Variants in MRPS23 observed in about 807,000 individuals in gnomAD.
MRPS23 encodes mitochondrial ribosomal protein S23.
MRPS23 carries 14 observed loss-of-function variants against 19.8 expected under a neutral mutation model. That is an observed-to-expected ratio of 0.71 (90% confidence interval 0.47 to 1.11). The LOEUF (loss-of-function observed/expected upper bound fraction) is 1.11. MRPS23 is among the 50% of genes least tolerant of loss of function. MRPS23 has a pLI of 0.00. For missense variants in MRPS23, 242 were observed against 236.7 expected (o/e 1.02, Z -0.15); for synonymous variants, 113 against 89.7 (o/e 1.26, Z -1.47).
At chr17:57,844,894 T>A (rs937747610) in intron 2 of MRPS23, among the ~76,000 whole-genome samples, 5 of 151,988 alleles carry the variant, frequency 3.3e-5, no homozygotes, top group African/African-American at 1.2e-4. Context: ...TTTTTAAATT[T>A]TTTATTTATT....
intron 4 of MRPS23, among the ~76,000 whole-genome samples, chr17:57,840,278 T>G (rs1012549375): frequency 6.6e-6 from 1 of 151,742 alleles, no homozygotes; most frequent in South Asian, 2.1e-4. Flanking sequence ...TCCCAGCTAC[T>G]CGGGAGGCTG....
chr17:57,835,609 T>C lies in MRPS23; in HGVS notation c.*4174A>G, dbSNP rs722168. The C allele has an allele frequency of 0.12, 18,668 of 152,302 alleles. 1,265 individuals carry two copies. Among genetic ancestry groups the C allele is most frequent in the South Asian group, 0.24 (1,144 of 4,828 alleles). The allele number at this position is 152,302 out of a possible 1,614,324, so 9.4% of individuals were successfully genotyped here. A position where few individuals can be genotyped will look rare whatever the true frequency, so the allele number is the denominator to read the frequency against. On this transcript the variant is annotated 3_prime_UTR_variant, in exon 5 of 5. Transcript: ENST00000313608. Reference sequence around the variant, plus strand: ...CAGTTCAAATGGGCTTTTCCACTACTGCTCAAAATAGTAATAAAACCACCA... The same window carrying C: ...CAGTTCAAATGGGCTTTTCCACTACCGCTCAAAATAGTAATAAAACCACCA...
chr17:57,835,795 C>T lies in MRPS23; in HGVS notation c.*3988G>A. On this transcript the variant is annotated 3_prime_UTR_variant, in exon 5 of 5. Coordinates refer to ENST00000313608, the MANE Select transcript of MRPS23 (RefSeq NM_016070.4). ...TGCCTGGAGTATCCAGATCTAGAACCCAAATCTTCATTACTTGTCTGGGGC... is the reference window on the plus strand; with the variant it reads ...TGCCTGGAGTATCCAGATCTAGAACTCAAATCTTCATTACTTGTCTGGGGC... 1 of 152,208 alleles carries T rather than the reference C, an allele frequency of 6.6e-6. No individual in the cohort carries two copies. The highest frequency in any genetic ancestry group is 2.1e-4 in the South Asian group (1 of 4,822). The allele number at this position is 152,208 out of a possible 1,614,324, so 9.4% of individuals were successfully genotyped here. A position where few individuals can be genotyped will look rare whatever the true frequency, so the allele number is the denominator to read the frequency against.
At position 57,849,383 on chromosome 17, in the gene MRPS23, C is replaced by A; in HGVS notation, c.72G>T (p.Val24=). The change falls in exon 2 of 5, where the codon GTG becomes GTT. Residue 24 remains valine (V), a synonymous_variant. Coordinates refer to ENST00000313608, the MANE Select transcript of MRPS23 (RefSeq NM_016070.4). ...CAAACCACAGGGGCTTCTCCTTCAG[C>A]ACCCCGGCCCGAACCAGGTCCCGAG... ...SRTRDLVRAG[V]LKEKPLWFDV... is the part of the protein sequence containing the mutation. The A allele has an allele frequency of 6.2e-7, 1 of 1,614,054 alleles. No homozygotes were observed.
intron 4 of MRPS23, 92 bp from the exon 5 acceptor site, chr17:57,840,027 G>T: frequency 1.4e-6 from 2 of 1,460,116 alleles, no homozygotes; most frequent in South Asian, 1.3e-5. Flanking sequence ...TTCTGTCACT[G>T]AGTGAAAAAT....
intron 2 of MRPS23, among the ~76,000 whole-genome samples, chr17:57,844,103 T>G (rs2073757277): frequency 6.6e-6 from 1 of 151,678 alleles, no homozygotes; most frequent in African/African-American, 2.4e-5. Flanking sequence ...TTTGTTTTAT[T>G]TATTTTGTTG....
Position 57,839,411 on chromosome 17 carries a change from G to A in MRPS23, c.*372C>T, listed in dbSNP as rs940563963. ...CACGTATAAGTCTGATGGATCAGAA[G>A]AAATATGTACCCGGGAATCAGATGT... On this transcript the variant is annotated 3_prime_UTR_variant, in exon 5 of 5. Coordinates refer to ENST00000313608, the MANE Select transcript of MRPS23 (RefSeq NM_016070.4). 1 of 162,602 alleles carries A rather than the reference G, an allele frequency of 6.1e-6. No homozygotes were observed. The highest frequency in any genetic ancestry group is 2.4e-5 in the African/African-American group (1 of 41,780). 10.1% of individuals were successfully genotyped at this position (162,602 alleles called of 1,614,324 possible).
At position 57,836,529 on chromosome 17, in the gene MRPS23, G is replaced by C. The variant is rs1303837288; in HGVS notation, c.*3254C>G. The C allele has an allele frequency of 6.6e-6, 1 of 152,170 alleles. No homozygotes were observed. The highest frequency in any genetic ancestry group is 1.5e-5 in the Non-Finnish European group (1 of 68,050). 9.4% of individuals were successfully genotyped at this position (152,170 alleles called of 1,614,324 possible). On this transcript the variant is annotated 3_prime_UTR_variant, in exon 5 of 5. Transcript: ENST00000313608. ...ACATGTCCATCCCACTGCCTTTCCA[G>C]GCTCTCATGCAGTATTCCTAGACAA...
chr17:57,842,881 T>G (rs943861390), intron 2 of MRPS23, among the ~76,000 whole-genome samples: 1 of 65,210 alleles, frequency 1.5e-5, no homozygotes, highest in Non-Finnish European at 3.0e-5. Flanking sequence ...AAAAAAAAAA[T>G]ATATATATAT....
chr17:57,849,620 T>C (rs74475712), intron 1 of MRPS23, among the ~76,000 whole-genome samples: 1 of 152,200 alleles, frequency 6.6e-6, no homozygotes, highest in Non-Finnish European at 1.5e-5. Flanking sequence ...TATCTTCTTT[T>C]GTGCGTCCCA....
intron 2 of MRPS23, among the ~76,000 whole-genome samples, chr17:57,846,703 A>G (rs1384965319): frequency 6.6e-6 from 1 of 152,128 alleles, no homozygotes; most frequent in African/African-American, 2.4e-5. Context: ...TGTTAAACAG[A>G]TGCTTGAAGG....
Position 57,838,838 on chromosome 17 carries a change from A to C in MRPS23, c.*945T>G, listed in dbSNP as rs1417501170. 1 of 152,288 alleles carries C rather than the reference A, an allele frequency of 6.6e-6. No individual in the cohort carries two copies. The highest frequency in any genetic ancestry group is 2.4e-5 in the African/African-American group (1 of 41,468). 9.4% of individuals were successfully genotyped at this position (152,288 alleles called of 1,614,324 possible). A position where few individuals can be genotyped will look rare whatever the true frequency, so the allele number is the denominator to read the frequency against. On this transcript the variant is annotated 3_prime_UTR_variant, in exon 5 of 5. Transcript: ENST00000313608. ...AAGAATCACTGGGTAGAAAATCTAC[A>C]TGAGTTTTAAAATAGGGAATTTCTG...
At chr17:57,845,030 T>C (rs1029232690) in intron 2 of MRPS23, among the ~76,000 whole-genome samples, 1 of 152,064 alleles carries the variant, frequency 6.6e-6, no homozygotes, top group Non-Finnish European at 1.5e-5. Context: ...CCAGACTAGC[T>C]GGGACTACAG....
Position 57,839,954 on chromosome 17 carries a change from A to C in MRPS23, c.421-19T>G, listed in dbSNP as rs774736456. 3.7e-6 allele frequency: 6 copies of C among 1,613,062 alleles called. No homozygotes were observed. In the East Asian group the frequency reaches 1.3e-4, roughly 36 times the overall value. On this transcript the variant is annotated intron_variant, in intron 4 of 4. Transcript: ENST00000313608. ...CGTGTTGCTTAAAAGACCAGATTTA[A>C]GTATCACAGAGATGTTATCATTTTC... is the stretch of plus-strand genomic sequence containing the variant.
Position 57,836,911 on chromosome 17 carries a change from T to A in MRPS23, c.*2872A>T, listed in dbSNP as rs1259915048. Reference sequence around the variant, plus strand: ...CCAGGCTGGTCTCGAACTCCTGACCTCAGGTGATCCGCCCACCTTGGCCTC... The same window carrying A: ...CCAGGCTGGTCTCGAACTCCTGACCACAGGTGATCCGCCCACCTTGGCCTC... On this transcript the variant is annotated 3_prime_UTR_variant, in exon 5 of 5. Transcript: ENST00000313608. The A allele has an allele frequency of 6.6e-6, 1 of 152,192 alleles. No homozygotes were observed. The highest frequency in any genetic ancestry group is 1.5e-5 in the Non-Finnish European group (1 of 68,048). 9.4% of individuals were successfully genotyped at this position (152,192 alleles called of 1,614,324 possible).
At chr17:57,847,024 A>G (rs1181243814) in intron 2 of MRPS23, among the ~76,000 whole-genome samples, 1 of 151,848 alleles carries the variant, frequency 6.6e-6, no homozygotes. Flanking sequence ...GAGGCCGGGC[A>G]CGGTGGCTCA....
intron 4 of MRPS23, 122 bp downstream of exon 4, chr17:57,840,804 T>G: frequency 7.4e-7 from 1 of 1,345,372 alleles, no homozygotes; most frequent in Non-Finnish European, 1.0e-6. Context: ...ACCACAGCAC[T>G]TTATAAAAGG....
At chr17:57,848,500 G>A (rs748163740) in intron 2 of MRPS23, among the ~76,000 whole-genome samples, 11 of 151,410 alleles carry the variant, frequency 7.3e-5, no homozygotes, top group African/African-American at 2.2e-4. Context: ...TCAGCCTTCC[G>A]AGTAGCTGGG....
intron 2 of MRPS23, among the ~76,000 whole-genome samples, chr17:57,846,296 G>A (rs1597953755): frequency 1.4e-4 from 1 of 7,286 alleles, no homozygotes; most frequent in East Asian, 0.01. Flanking sequence ...CGGGAGGGAG[G>A]TGGGGGGCAC....
Sources: gnomAD v4.1 joint callset for allele counts (sites outside exome capture counted in the v4.1 genomes callset) on GRCh38, gnomAD v4.1.1 for gene constraint, MANE v1.5 for transcripts, NCBI Gene and HGNC (gene_info 2026-07-23, HGNC 2026-07-21) for gene names.